The following THOC2 variants were observed in gnomAD, a reference collection of about 807,000 sequenced individuals.
The protein encoded by THOC2 is THO complex subunit 2.
Under a neutral mutation model 128.4 loss-of-function variants are expected in THOC2, and 10 were observed. That is an observed-to-expected ratio of 0.08 (90% CI 0.05 to 0.13). The LOEUF is 0.13. Among genes scored for constraint, THOC2 ranks in the 10% least tolerant of loss-of-function variants. THOC2 has a pLI of 1.00. For synonymous variants in THOC2, 393 were observed against 396.9 expected (o/e 0.99, Z 0.12); for missense variants, 535 against 1,155.7 (o/e 0.46, Z 7.79).
chrX:123,669,433 C>T (rs1199397152), intron 9 of THOC2, among the ~76,000 whole-genome samples: 5 of 110,201 alleles, frequency 4.5e-5, no homozygotes, highest in African/African-American at 1.3e-4. Flanking sequence ...AATTCTGCCT[C>T]AGCCTCTCGA....
Position 123,696,861 on chromosome X carries a change from A to G in THOC2, c.346-19T>C, listed in dbSNP as rs774777463. On this transcript the variant is annotated intron_variant, in intron 5 of 38. Coordinates refer to ENST00000245838, the MANE Select transcript of THOC2 (RefSeq NM_001081550.2). Reference sequence around the variant, plus strand: ...CTAAATACTGTATTAAAAAATATTAAAGGTCATTTATTCCTTAGCATTGCA... The same window carrying G: ...CTAAATACTGTATTAAAAAATATTAGAGGTCATTTATTCCTTAGCATTGCA... 28 of 1,139,406 alleles carry G rather than the reference A, an allele frequency of 2.5e-5. No individual in the cohort carries two copies. The highest frequency in any genetic ancestry group is 2.6e-4 in the Middle Eastern group (1 of 3,882). 93.9% of individuals were successfully genotyped at this position (1,139,406 alleles called of 1,213,427 possible).
intron 10 of THOC2, 70 bp from the exon 11 acceptor site, chrX:123,667,348 T>G: frequency 1.3e-6 from 1 of 785,427 alleles, no homozygotes; most frequent in Non-Finnish European, 1.8e-6. Context: ...CTTTGTCACT[T>G]AAAAAACTGA....
chrX:123,703,120 T>C (rs1439585973), intron 4 of THOC2, among the ~76,000 whole-genome samples: 1 of 112,087 alleles, frequency 8.9e-6, no homozygotes, highest in Non-Finnish European at 1.9e-5. Context: ...TCTGAGATTC[T>C]GACATCATTC....
rs2051728718 is a variant in THOC2 at position 123,722,108 on chromosome X, C to T, written c.72-9200G>A. Among the ~76,000 whole-genome samples, 3 of 112,328 alleles carry T rather than the reference C, an allele frequency of 2.7e-5. No homozygotes were observed. The Admixed American group carries it at 2.8e-4, about 11-fold the overall frequency. ...ATTTGCTGCCGATGATACGCTTTTA[C>T]ACTGTTGGTGGGGGAGTAAATTAGT... is the stretch of plus-strand genomic sequence containing the variant. On this transcript the variant is annotated intron_variant, in intron 1 of 38. Transcript: ENST00000245838.
chrX:123,629,322 T>C (rs1389498353), intron 22 of THOC2, among the ~76,000 whole-genome samples: 2 of 107,676 alleles, frequency 1.9e-5, no homozygotes, highest in African/African-American at 6.8e-5. Flanking sequence ...AGAGCTCTCA[T>C]CCAGAAAATT....
At position 123,613,350 on chromosome X, in the gene THOC2, T is replaced by C. The variant is rs998548714; in HGVS notation, c.4677+49A>G. 1.1e-5 allele frequency: 12 copies of C among 1,125,076 alleles called. No individual in the cohort carries two copies. The African/African-American group carries it at 1.7e-4, about 16-fold the overall frequency. The allele number at this position is 1,125,076 out of a possible 1,213,427, so 92.7% of individuals were successfully genotyped here. Reference sequence around the variant, plus strand: ...TTCAATATTTGCTAAATTTTCAGGATTGATTTTTTTAAGATAAAGCATATT... The same window carrying C: ...TTCAATATTTGCTAAATTTTCAGGACTGATTTTTTTAAGATAAAGCATATT... On this transcript the variant is annotated intron_variant, in intron 36 of 38. Coordinates refer to ENST00000245838, the MANE Select transcript of THOC2 (RefSeq NM_001081550.2).
At position 123,633,051 on chromosome X, in the gene THOC2, G is replaced by A. The variant is rs1056507491; in HGVS notation, c.2137-11C>T. On this transcript the variant is annotated splice_polypyrimidine_tract_variant and intron_variant, in intron 20 of 38. Coordinates refer to ENST00000245838, the MANE Select transcript of THOC2 (RefSeq NM_001081550.2). ...ACCAAAATAACCACCCTGCACAAGG[G>A]AAGACACAAATTTACCAGTGTACAG... 5.9e-6 allele frequency: 7 copies of A among 1,189,384 alleles called. No homozygotes were observed. The African/African-American group carries it at 8.8e-5, about 15-fold the overall frequency.
At chrX:123,638,806 C>A in intron 17 of THOC2, 128 bp downstream of exon 17, 1 of 419,928 alleles carries the variant, frequency 2.4e-6, no homozygotes, top group African/African-American at 2.6e-5. Flanking sequence ...AATTGACTGA[C>A]CAAACTTCAG....
In THOC2 at chrX:123,668,307, G is replaced by A; in HGVS notation, c.869C>T (p.Pro290Leu). ...TTCATCCATAATGCAATTATCAGCC[G>A]GAAGAAGCTAAAAATGGTACATTAA... The part of the protein sequence containing the change: ...DLDDLYVHLL[P>L]ADNCIMDEHK... The change falls in exon 10 of 39, where the codon CCG becomes CTG. Residue 290 changes from proline (P) to leucine (L), a missense_variant. Pro to Leu is a moderately conservative substitution (Grantham distance 98). Transcript: ENST00000245838. 8.6e-6 allele frequency: 10 copies of A among 1,166,516 alleles called. No homozygotes were observed. Among genetic ancestry groups the A allele is most frequent in the Non-Finnish European group, 1.1e-5 (10 of 873,046 alleles).
rs751803736 is a variant in THOC2 at position 123,600,805 on chromosome X, C to T, written c.*552G>A. On this transcript the variant is annotated 3_prime_UTR_variant, in exon 39 of 39. Coordinates refer to ENST00000245838, the MANE Select transcript of THOC2 (RefSeq NM_001081550.2). ...GACAAGTGATCGCTGGTACCTTTTT[C>T]TTTTTTAAACACGTTTAATGTTGTA... 7 of 112,059 alleles carry T rather than the reference C, an allele frequency of 6.2e-5. No individual in the cohort carries two copies. The highest frequency in any genetic ancestry group is 9.5e-5 in the Admixed American group (1 of 10,529). The allele number at this position is 112,059 out of a possible 1,213,427, so 9.2% of individuals were successfully genotyped here. A position where few individuals can be genotyped will look rare whatever the true frequency, so the allele number is the denominator to read the frequency against.
intron 4 of THOC2, among the ~76,000 whole-genome samples, chrX:123,698,166 G>A (rs2050522817): frequency 8.9e-6 from 1 of 111,745 alleles, no homozygotes; most frequent in Non-Finnish European, 1.9e-5. Flanking sequence ...ACTCTAAAGA[G>A]CCTAATACTC....
intron 12 of THOC2, among the ~76,000 whole-genome samples, chrX:123,662,008 A>T (rs746229131): frequency 2.7e-5 from 3 of 111,743 alleles, no homozygotes; most frequent in Non-Finnish European, 5.6e-5. Context: ...CAAACAAAAA[A>T]AATCTACCAG....
intron 1 of THOC2, among the ~76,000 whole-genome samples, chrX:123,721,009 A>C (rs2051669716): frequency 9.0e-6 from 1 of 111,636 alleles, no homozygotes; most frequent in Non-Finnish European, 1.9e-5. Flanking sequence ...CTTATAGTTG[A>C]CAATATTGTA....
At position 123,627,535 on chromosome X, in the gene THOC2, C is replaced by A. The variant is rs147035879; in HGVS notation, c.2757+158G>T. Among the ~76,000 whole-genome samples, 748 of 111,526 alleles carry A rather than the reference C, an allele frequency of 6.7e-3. 6 individuals are homozygous for A. Among genetic ancestry groups the A allele is most frequent in the African/African-American group, 0.022 (689 of 30,693 alleles). Reference sequence around the variant, plus strand: ...CTCCACCTAGTCACCAAACTCCTGGCCCCCCACTCAGAAGTAACTATTAAA... The same window carrying A: ...CTCCACCTAGTCACCAAACTCCTGGACCCCCACTCAGAAGTAACTATTAAA... On this transcript the variant is annotated intron_variant, in intron 23 of 38. Coordinates refer to ENST00000245838, the MANE Select transcript of THOC2 (RefSeq NM_001081550.2).
chrX:123,683,770 T>C (rs1031480044), intron 8 of THOC2, among the ~76,000 whole-genome samples: 3 of 110,387 alleles, frequency 2.7e-5, no homozygotes, highest in African/African-American at 9.9e-5. Flanking sequence ...CCGGCTAATT[T>C]TGTATTTTTA....
chrX:123,635,765 G>A (rs1272285505), intron 19 of THOC2, among the ~76,000 whole-genome samples: 2 of 111,499 alleles, frequency 1.8e-5, no homozygotes, highest in African/African-American at 6.5e-5. Flanking sequence ...AGTATGTTTT[G>A]TTATACGAAG....
chrX:123,727,687 C>A, intron 1 of THOC2, among the ~76,000 whole-genome samples: 1 of 112,341 alleles, frequency 8.9e-6, no homozygotes, highest in African/African-American at 3.2e-5. Flanking sequence ...ATCCTTCCTC[C>A]TGCCTCAGTT....
At chrX:123,659,384 A>G (rs2048737064) in intron 12 of THOC2, among the ~76,000 whole-genome samples, 1 of 112,462 alleles carries the variant, frequency 8.9e-6, no homozygotes, top group Non-Finnish European at 1.9e-5. Context: ...CATTCTGGCC[A>G]ACATGGTGAA....
At chrX:123,644,358 C>T (rs1231313925) in intron 15 of THOC2, among the ~76,000 whole-genome samples, 1 of 111,570 alleles carries the variant, frequency 9.0e-6, no homozygotes, top group Non-Finnish European at 1.9e-5. Context: ...AGATTTTTAT[C>T]CATATGTAAA....
Sources: gnomAD v4.1 joint callset for allele counts (sites outside exome capture counted in the v4.1 genomes callset) on GRCh38, gnomAD v4.1.1 for gene constraint, MANE v1.5 for transcripts, NCBI Gene and HGNC (gene_info 2026-07-23, HGNC 2026-07-21) for gene names.